CRAT: variants seen among roughly 807,000 people sequenced by gnomAD.
CRAT encodes the protein carnitine O-acetyltransferase.
A neutral mutation model predicts 73.7 loss-of-function variants in CRAT; 66 were observed. That is an observed-to-expected ratio of 0.90 (90% CI 0.73 to 1.10). The LOEUF (loss-of-function observed/expected upper bound fraction) is 1.10, where lower values mean the gene tolerates loss of function less well. CRAT is among the 50% of genes least tolerant of loss of function. The pLI is 0.00. For missense variants in CRAT, 745 were observed against 846.9 expected, an observed-to-expected ratio of 0.88 and a Z score of 1.49; for synonymous variants, 321 against 343.2, an observed-to-expected ratio of 0.94 and a Z score of 0.71.
rs576932645 is a variant in CRAT at position 129,105,201 on chromosome 9, G to A, written c.292-895C>T. On this transcript the variant is annotated intron_variant, in intron 2 of 13. Coordinates refer to ENST00000318080, the MANE Select transcript of CRAT (RefSeq NM_000755.5). ...ATTACAGGCGTGAGCCACCGCGCCC[G>A]GCAAGGTGAACAAATTCTCATCTTA... Among the ~76,000 whole-genome samples the A allele has an allele frequency of 6.6e-5, 10 of 152,192 alleles. No homozygotes were observed. In the East Asian group the frequency reaches 7.7e-4, roughly 12 times the overall value.
Position 129,095,490 on chromosome 9 carries a change from C to T in CRAT, c.1788G>A (p.Ala596=), listed in dbSNP as rs375414636. 19 of 1,613,358 alleles carry T rather than the reference C, an allele frequency of 1.2e-5. No homozygotes were observed. Among genetic ancestry groups the T allele is most frequent in the African/African-American group, 9.3e-5 (7 of 74,924 alleles). ...GCGCCAGGCGGGCGGCGTTGGTCTCCGCGCAGCTGTTGTAGGCCGACAGGG... is the reference window on the plus strand; with the variant it reads ...GCGCCAGGCGGGCGGCGTTGGTCTCTGCGCAGCTGTTGTAGGCCGACAGGG... ...NFSLSAYNSC[A]ETNAARLAHY... The change falls in exon 14 of 14, where the codon GCG becomes GCA. Residue 596 remains alanine, a synonymous_variant. Coordinates refer to ENST00000318080, the MANE Select transcript of CRAT (RefSeq NM_000755.5).
Position 129,101,872 on chromosome 9 carries a change from C to T in CRAT, c.805+11G>A. The stretch of plus-strand genomic sequence containing the variant: ...TGGGTGTGCAGCCCCAGCACGGCCC[C>T]CAAGAGGCACCTTTGATGAGGGTGT... On this transcript the variant is annotated intron_variant, in intron 6 of 13. Coordinates refer to ENST00000318080, the MANE Select transcript of CRAT (RefSeq NM_000755.5). The T allele has an allele frequency of 6.2e-7, 1 of 1,612,790 alleles. No individual in the cohort carries two copies. The highest frequency in any genetic ancestry group is 8.5e-7 in the Non-Finnish European group (1 of 1,179,484).
At chr9:129,100,312 C>T (rs537620339) in intron 7 of CRAT, 199 bp downstream of exon 7, 20 of 650,116 alleles carry the variant, frequency 3.1e-5, no homozygotes, top group African/African-American at 1.1e-4. Flanking sequence ...GGGGTGACAG[C>T]GGTTTCCAGG....
In CRAT at chr9:129,103,147, G is replaced by A. The variant is rs925689089; in HGVS notation, c.411-81C>T. 2.5e-5 allele frequency: 30 copies of A among 1,215,170 alleles called. No homozygotes were observed. Among genetic ancestry groups the A allele is most frequent in the East Asian group, 2.1e-4 (9 of 42,782 alleles). 75.3% of individuals were successfully genotyped at this position (1,215,170 alleles called of 1,614,324 possible). On this transcript the variant is annotated intron_variant, in intron 3 of 13. Coordinates refer to ENST00000318080, the MANE Select transcript of CRAT (RefSeq NM_000755.5). The surrounding 1 kb of genome is among the most constrained non-coding windows in gnomAD (Gnocchi z 4.6). ...GGCTAGGGACACCTGCTTGGGGAGC[G>A]GGAGGTCTAGTCTTCCAGCCTCTCT...
Position 129,095,295 on chromosome 9 carries a change from A to G in CRAT, c.*102T>C. 1.3e-5 allele frequency: 16 copies of G among 1,254,806 alleles called. No homozygotes were observed. Among genetic ancestry groups the G allele is most frequent in the Non-Finnish European group, 1.1e-6 (1 of 889,332 alleles). The allele number at this position is 1,254,806 out of a possible 1,614,324, so 77.7% of individuals were successfully genotyped here. ...TCAGTAGATTTGGGGGGACCAGGGA[A>G]GAGGGAACCAAGGAAGAGGGAACCA... On this transcript the variant is annotated 3_prime_UTR_variant, in exon 14 of 14. Transcript: ENST00000318080.
At chr9:129,104,657 T>C (rs1564167454) in intron 2 of CRAT, among the ~76,000 whole-genome samples, 1 of 151,122 alleles carries the variant, frequency 6.6e-6, no homozygotes. Context: ...CAGGCTGGAG[T>C]GCAGTGGCGC....
Position 129,103,115 on chromosome 9 carries a change from G to A in CRAT, c.411-49C>T, listed in dbSNP as rs746910527. 1.3e-6 allele frequency: 2 copies of A among 1,542,502 alleles called. No homozygotes were observed. The highest frequency in any genetic ancestry group is 1.8e-6 in the Non-Finnish European group (2 of 1,114,962). On this transcript the variant is annotated intron_variant, in intron 3 of 13. Transcript: ENST00000318080. This position sits in a 1 kb window ranked among gnomAD's most constrained non-coding sequence, Gnocchi z 4.6. The stretch of plus-strand genomic sequence containing the variant: ...GAAGCTGCGTGGACACCCTGAGGGA[G>A]GCCCCGGGCTAGGGACACCTGCTTG...
rs1847797581 is a variant in CRAT, at chr9:129,103,172, T to C, written c.411-106A>G. 1.0e-6 allele frequency: 1 copy of C among 972,182 alleles called. No individual in the cohort carries two copies. Among genetic ancestry groups the C allele is most frequent in the Non-Finnish European group, 1.7e-6 (1 of 599,640 alleles). 60.2% of individuals were successfully genotyped at this position (972,182 alleles called of 1,614,324 possible). A position where few individuals can be genotyped will look rare whatever the true frequency, so the allele number is the denominator to read the frequency against. ...GGGAGGTCTAGTCTTCCAGCCTCTC[T>C]CACCGCTTCCAGAAAGCCTGGGAGC... On this transcript the variant is annotated intron_variant, in intron 3 of 13. Transcript: ENST00000318080. The surrounding 1 kb of genome is among the most constrained non-coding windows in gnomAD (Gnocchi z 4.6).
chr9:129,095,286 G>T lies in CRAT; in HGVS notation c.*111C>A. The T allele has an allele frequency of 8.5e-7, 1 of 1,182,724 alleles. No homozygotes were observed. The allele number at this position is 1,182,724 out of a possible 1,614,324, so 73.3% of individuals were successfully genotyped here. ...GTCCGTGGCTCAGTAGATTTGGGGGGACCAGGGAAGAGGGAACCAAGGAAG... is the reference window on the plus strand; with the variant it reads ...GTCCGTGGCTCAGTAGATTTGGGGGTACCAGGGAAGAGGGAACCAAGGAAG... On this transcript the variant is annotated 3_prime_UTR_variant, in exon 14 of 14. Transcript: ENST00000318080.
chr9:129,104,900 G>A (rs1454044313), intron 2 of CRAT, among the ~76,000 whole-genome samples: 8 of 124,474 alleles, frequency 6.4e-5, no homozygotes, highest in South Asian at 3.0e-4. Flanking sequence ...CACTGTGCCC[G>A]GTCTTTTTTT....
In CRAT at chr9:129,099,935, A is replaced by G; in HGVS notation, c.1016T>C (p.Leu339Pro). 6.2e-7 allele frequency: 1 copy of G among 1,612,988 alleles called. No individual in the cohort carries two copies. ...FIVAEDGSCG[L>P]VYEHAAAEGP... The stretch of plus-strand genomic sequence containing the variant: ...CTCCGCTGCAGCATGCTCGTACACA[A>G]GCCCACAGGAGCCATCTTCTGCCAC... The change falls in exon 8 of 14, where the codon CTT (leucine) becomes CCT (proline). Residue 339 changes from leucine to proline, a missense_variant. By Grantham distance (98) the Leu-to-Pro change is moderately conservative. Transcript: ENST00000318080.
At chr9:129,109,266 C>T (rs1564173021) in intron 1 of CRAT, 2 of 1,304,122 alleles carry the variant, frequency 1.5e-6, no homozygotes, top group East Asian at 5.5e-5. Context: ...CACCACAGCC[C>T]TGGGATCGGT....
intron 8 of CRAT, among the ~76,000 whole-genome samples, chr9:129,099,432 T>C (rs1453138724): frequency 2.0e-5 from 3 of 149,758 alleles, no homozygotes; most frequent in Non-Finnish European, 4.5e-5. Flanking sequence ...CCTAATTTTT[T>C]TTTTTTTTTT....
At chr9:129,097,986 C>T in intron 11 of CRAT, 27 bp downstream of exon 11, 1 of 1,607,570 alleles carries the variant, frequency 6.2e-7, no homozygotes, top group Non-Finnish European at 8.5e-7. Context: ...AGGCCCAGCT[C>T]ACCCACCCTC....
At chr9:129,102,308 T>C (rs962096357) in intron 5 of CRAT, 92 bp downstream of exon 5, 38 of 1,545,716 alleles carry the variant, frequency 2.5e-5, no homozygotes, top group Middle Eastern at 2.0e-4. Flanking sequence ...GCACGTGTGC[T>C]GGGGAACCCC....
At chr9:129,108,704 G>A in intron 1 of CRAT, 1 of 1,301,324 alleles carries the variant, frequency 7.7e-7, no homozygotes, top group Non-Finnish European at 1.0e-6. Flanking sequence ...GGCAGAGACA[G>A]GAGGGCCCGA....
At chr9:129,099,105 G>T (rs1847489933) in intron 8 of CRAT, among the ~76,000 whole-genome samples, 1 of 150,196 alleles carries the variant, frequency 6.7e-6, no homozygotes. Flanking sequence ...CTCTTGAGTA[G>T]CTGGGATTAC....
intron 8 of CRAT, 31 bp downstream of exon 8, chr9:129,099,835 G>A: frequency 6.5e-7 from 1 of 1,531,546 alleles, no homozygotes; most frequent in Non-Finnish European, 9.0e-7. Flanking sequence ...TAGAAGCTGG[G>A]GAACTAGGCG....
chr9:129,104,899 C>T (rs1342615840), intron 2 of CRAT, among the ~76,000 whole-genome samples: 78 of 121,482 alleles, frequency 6.4e-4, no homozygotes, highest in Non-Finnish European at 1.1e-3. Flanking sequence ...CCACTGTGCC[C>T]GGTCTTTTTT....
Sources: allele counts gnomAD v4.1 joint callset (sites outside exome capture counted in the v4.1 genomes callset), GRCh38; gene constraint gnomAD v4.1.1; non-coding constraint Gnocchi (gnomAD v3.1); transcripts MANE v1.5; gene names NCBI Gene and HGNC (gene_info 2026-07-23, HGNC 2026-07-21).